Variants in ANO1 observed in about 807,000 individuals in gnomAD.
The protein encoded by ANO1 is anoctamin-1.
A neutral mutation model predicts 124.0 loss-of-function variants in ANO1; 59 were observed. The observed-to-expected ratio is 0.48, with a 90% confidence interval of 0.39 to 0.59. The LOEUF (loss-of-function observed/expected upper bound fraction) is 0.59, where lower values mean the gene tolerates loss of function less well. Among genes scored for constraint, ANO1 ranks in the 20% least tolerant of loss-of-function variants. The pLI, the probability that ANO1 is intolerant of heterozygous loss-of-function variation, is 0.00. For missense variants in ANO1, 1,059 were observed against 1,328.0 expected, an observed-to-expected ratio of 0.80 and a Z score of 3.15; for synonymous variants, 529 against 532.0, an observed-to-expected ratio of 0.99 and a Z score of 0.08.
chr11:70,164,568 G>C (rs961957469), intron 19 of ANO1, among the ~76,000 whole-genome samples: 4 of 152,250 alleles, frequency 2.6e-5, no homozygotes, highest in African/African-American at 9.6e-5. Context: ...TGTAGGGTTT[G>C]TTAGGTTTTA....
chr11:70,027,556 A>G (rs1856928978), intron 1 of ANO1, among the ~76,000 whole-genome samples: 1 of 152,200 alleles, frequency 6.6e-6, no homozygotes, highest in African/African-American at 2.4e-5. Context: ...AACTGCAAAC[A>G]CTTAAGCCAC....
intron 1 of ANO1, among the ~76,000 whole-genome samples, chr11:70,059,950 C>CTT (rs36021561): frequency 7.7e-4 from 58 of 75,560 alleles, no homozygotes; most frequent in East Asian, 2.5e-3. Context: ...AGGCGTTGGC[C>CTT]TTTTTTTTTT....
chr11:70,096,793 G>T (rs1461235669), intron 2 of ANO1, among the ~76,000 whole-genome samples: 1 of 152,076 alleles, frequency 6.6e-6, no homozygotes, highest in Admixed American at 6.5e-5. Context: ...CCTGGGAGGC[G>T]GAGATTGCAG....
chr11:70,179,927 C>A, intron 22 of ANO1, 77 bp from the exon 23 acceptor site: 1 of 1,386,184 alleles, frequency 7.2e-7, no homozygotes, highest in South Asian at 1.2e-5. Flanking sequence ...GGGTGGTACC[C>A]GCTCAGACTG....
chr11:70,139,927 C>T (rs1414074830), intron 11 of ANO1, among the ~76,000 whole-genome samples: 1 of 152,206 alleles, frequency 6.6e-6, no homozygotes, highest in East Asian at 1.9e-4. Context: ...TTGTTCCTGA[C>T]TGGATTACCT....
intron 10 of ANO1, among the ~76,000 whole-genome samples, chr11:70,131,431 G>A (rs1046859216): frequency 1.3e-5 from 2 of 152,106 alleles, no homozygotes; most frequent in Non-Finnish European, 2.9e-5. Context: ...GGGTTCAAGC[G>A]ATTCTTCTGC....
chr11:70,038,687 T>C (rs140833467), intron 1 of ANO1, among the ~76,000 whole-genome samples: 331 of 152,206 alleles, frequency 2.2e-3, no homozygotes, highest in African/African-American at 7.5e-3. Flanking sequence ...AGGACTTACC[T>C]GGTGCAAGAA....
chr11:70,100,466 G>T (rs943128309), intron 2 of ANO1, among the ~76,000 whole-genome samples: 2 of 152,200 alleles, frequency 1.3e-5, no homozygotes, highest in Non-Finnish European at 2.9e-5. Flanking sequence ...GAGCGATGTG[G>T]CCACAGCCAG....
intron 11 of ANO1, among the ~76,000 whole-genome samples, chr11:70,144,927 G>A (rs868314218): frequency 1.3e-5 from 2 of 152,220 alleles, no homozygotes; most frequent in Non-Finnish European, 2.9e-5. Flanking sequence ...GGAGGGGGCC[G>A]GGGCAGGATC....
chr11:70,175,185 C>T (rs550585014), intron 22 of ANO1, among the ~76,000 whole-genome samples: 50 of 152,366 alleles, frequency 3.3e-4, no homozygotes, highest in Admixed American at 7.8e-4. Context: ...CAGGCATTGG[C>T]GTCCCCACCA....
chr11:70,131,825 G>A, intron 10 of ANO1, 94 bp from the exon 11 acceptor site: 1 of 1,445,400 alleles, frequency 6.9e-7, no homozygotes, highest in Non-Finnish European at 9.3e-7. Context: ...CCCCCAGCTT[G>A]GGCCCAGCGC....
intron 1 of ANO1, among the ~76,000 whole-genome samples, chr11:69,988,755 G>C (rs1386201022): frequency 4.6e-5 from 7 of 152,160 alleles, no homozygotes; most frequent in Non-Finnish European, 1.0e-4. Context: ...GGTGGAGTTA[G>C]GGTGAGGTCT....
rs2047905671 is a variant in ANO1 at position 70,158,321 on chromosome 11, C to T, written c.1578+1300C>T. On this transcript the variant is annotated intron_variant, in intron 16 of 25. Coordinates refer to ENST00000355303, the MANE Select transcript of ANO1 (RefSeq NM_018043.7). ...AGCCGTGGTCATGTTACAAATGACC[C>T]TGCCCTCGTCCAGCCCAACAGCTTG... Among the ~76,000 whole-genome samples the T allele has an allele frequency of 2.6e-5, 4 of 152,356 alleles. No homozygotes were observed. The South Asian group carries it at 6.2e-4, about 24-fold the overall frequency.
At chr11:70,154,679 G>C (rs1005055783) in intron 14 of ANO1, among the ~76,000 whole-genome samples, 1 of 151,880 alleles carries the variant, frequency 6.6e-6, no homozygotes, top group Non-Finnish European at 1.5e-5. Flanking sequence ...TGTTAGCCAG[G>C]ATGGTCTCAA....
At chr11:70,023,346 C>T (rs188256784) in intron 1 of ANO1, among the ~76,000 whole-genome samples, 162 of 152,260 alleles carry the variant, frequency 1.1e-3, no homozygotes, top group Middle Eastern at 3.4e-3. Context: ...CAGTCTCTGC[C>T]CTCCAGAGCT....
At chr11:70,040,552 T>G (rs931684037) in intron 1 of ANO1, among the ~76,000 whole-genome samples, 2 of 152,180 alleles carry the variant, frequency 1.3e-5, no homozygotes, top group Non-Finnish European at 2.9e-5. Context: ...GGCACGCACC[T>G]GCAATCCCAG....
rs1165892508 is a variant in ANO1, at chr11:70,185,574, C to T, written c.2589-16C>T. The T allele has an allele frequency of 1.2e-6, 2 of 1,611,166 alleles. No homozygotes were observed. The highest frequency in any genetic ancestry group is 1.7e-5 in the Admixed American group (1 of 59,978). ...CACCGAAGTCCCACCCTCGACTCCA[C>T]CACGGTCTTTTGCAGGTATAAAGAC... On this transcript the variant is annotated splice_polypyrimidine_tract_variant and intron_variant, in intron 24 of 25. Coordinates refer to ENST00000355303, the MANE Select transcript of ANO1 (RefSeq NM_018043.7).
At chr11:69,975,238 G>C in the ANO1 span, among the ~76,000 whole-genome samples, 66,955 of 152,138 alleles carry the variant, frequency 0.44, 16,836 homozygotes, top group South Asian at 0.63. Context: ...AGATGGAGCA[G>C]TGGCCTCCCT....
intron 1 of ANO1, among the ~76,000 whole-genome samples, chr11:69,996,754 G>A (rs907915471): frequency 6.6e-6 from 1 of 152,226 alleles, no homozygotes; most frequent in South Asian, 2.1e-4. Context: ...GTCAGATGAG[G>A]AGGTTAGAGT....
Sources: gnomAD v4.1 joint callset for allele counts (sites outside exome capture counted in the v4.1 genomes callset) on GRCh38, gnomAD v4.1.1 for gene constraint, MANE v1.5 for transcripts, NCBI Gene and HGNC (gene_info 2026-07-23, HGNC 2026-07-21) for gene names.